The following ZNF136 variants were observed in gnomAD, a reference collection of about 807,000 sequenced individuals.
ZNF136 encodes the protein zinc finger protein 136 (clone pHZ-20).
In ZNF136, 8 loss-of-function variants were observed where a neutral mutation model predicts 11.4. The ratio of observed to expected loss-of-function variants is 0.70; its 90% CI spans 0.41 to 1.27. The LOEUF (loss-of-function observed/expected upper bound fraction) is 1.27, where lower values mean the gene tolerates loss of function less well. Among genes scored for constraint, ZNF136 ranks in the 50% most tolerant of loss-of-function variants. The pLI is 0.01. For synonymous variants in ZNF136, 190 were observed against 207.1 expected, an observed-to-expected ratio of 0.92 and a Z score of 0.71; for missense variants, 590 against 656.5, an observed-to-expected ratio of 0.90 and a Z score of 1.11.
intron 1 of ZNF136, among the ~76,000 whole-genome samples, chr19:12,170,227 C>CA (rs1914617890): frequency 6.6e-6 from 1 of 152,112 alleles, no homozygotes; most frequent in African/African-American, 2.4e-5. Flanking sequence ...CGCGCCCGGC[C>CA]TTTTGTGGTT....
At chr19:12,163,909 T>C (rs1364679078) in intron 1 of ZNF136, 1 of 152,216 alleles carries the variant, frequency 6.6e-6, no homozygotes, top group Non-Finnish European at 1.5e-5. Context: ...CTCATCAGAA[T>C]GTCTTTGAGT....
At chr19:12,165,293 A>G (rs1357450872) in intron 1 of ZNF136, among the ~76,000 whole-genome samples, 1 of 152,208 alleles carries the variant, frequency 6.6e-6, no homozygotes, top group Non-Finnish European at 1.5e-5. Context: ...ACTGATAGAT[A>G]AGATGACCTC....
chr19:12,163,392 C>A (rs895156562), intron 1 of ZNF136, among the ~76,000 whole-genome samples, 186 bp downstream of exon 1: 11 of 152,220 alleles, frequency 7.2e-5, no homozygotes, highest in Non-Finnish European at 1.5e-4. Context: ...GCCGGGACCC[C>A]GGGCGTCCTC....
At chr19:12,168,057 CTTTTT>C (rs386388563) in intron 1 of ZNF136, among the ~76,000 whole-genome samples, 2,107 of 70,820 alleles carry the variant, frequency 0.03, 8 homozygotes, top group Non-Finnish European at 0.039. Context: ...TTTTCTTTTT[CTTTTT>C]TTTTTTTTTT....
At chr19:12,176,958 CAG>C (rs1411588237) in intron 1 of ZNF136, among the ~76,000 whole-genome samples, 1 of 152,216 alleles carries the variant, frequency 6.6e-6, no homozygotes, top group Non-Finnish European at 1.5e-5. Context: ...GATGGGGAGA[CAG>C]AGGCTGTGTT....
intron 1 of ZNF136, among the ~76,000 whole-genome samples, chr19:12,178,274 T>A (rs1914849437): frequency 6.6e-6 from 1 of 152,222 alleles, no homozygotes; most frequent in Admixed American, 6.5e-5. Flanking sequence ...ATTGTTTCCT[T>A]TGCTGTGCTA....
At chr19:12,186,408 C>T (rs561572726) in intron 3 of ZNF136, among the ~76,000 whole-genome samples, 162 bp from the exon 4 acceptor site, 8 of 152,174 alleles carry the variant, frequency 5.3e-5, no homozygotes, top group Non-Finnish European at 1.0e-4. Flanking sequence ...GTGATAGTTG[C>T]GGTCAAGCCC....
At chr19:12,169,953 T>C (rs569005806) in intron 1 of ZNF136, among the ~76,000 whole-genome samples, 144 of 151,098 alleles carry the variant, frequency 9.5e-4, no homozygotes, top group Admixed American at 1.1e-3. Flanking sequence ...TGCCACCACG[T>C]CCGGCTAATT....
intron 3 of ZNF136, 68 bp from the exon 4 acceptor site, chr19:12,186,502 C>T (rs1018180330): frequency 7.7e-7 from 1 of 1,299,614 alleles, no homozygotes; most frequent in Non-Finnish European, 1.1e-6. Flanking sequence ...ATTGAAAATG[C>T]AAGTTTAATA....
At chr19:12,175,750 T>C (rs996765745) in intron 1 of ZNF136, among the ~76,000 whole-genome samples, 3 of 152,242 alleles carry the variant, frequency 2.0e-5, no homozygotes, top group African/African-American at 4.8e-5. Flanking sequence ...ATTTCTGTTA[T>C]GGTGTAATAC....
chr19:12,167,758 G>A lies in ZNF136; in HGVS notation c.3+4552G>A, dbSNP rs116634510. ...TCTACCTAAAACCTTTGTACAAAAG[G>A]CAAAAGCATCTAAGTCTGCCCCTCA... On this transcript the variant is annotated intron_variant, in intron 1 of 3. Transcript: ENST00000343979. 6.6e-3 allele frequency among the ~76,000 whole-genome samples: 999 copies of A among 152,210 alleles called. 15 individuals carry two copies. Among genetic ancestry groups the A allele is most frequent in the African/African-American group, 0.023 (945 of 41,524 alleles).
intron 1 of ZNF136, among the ~76,000 whole-genome samples, chr19:12,178,716 A>G (rs155954): frequency 0.042 from 6,343 of 151,836 alleles, 442 homozygotes; most frequent in African/African-American, 0.15. Flanking sequence ...TCAGGCGGGG[A>G]GGGGTGGCTC....
chr19:12,186,230 A>C, intron 3 of ZNF136, 56 bp downstream of exon 3: 3 of 1,533,396 alleles, frequency 2.0e-6, no homozygotes, highest in Non-Finnish European at 2.6e-6. Context: ...CATGTCATGA[A>C]ATTTTAAAAA....
At chr19:12,178,816 C>T (rs1394020336) in intron 1 of ZNF136, among the ~76,000 whole-genome samples, 2 of 151,956 alleles carry the variant, frequency 1.3e-5, no homozygotes, top group Admixed American at 6.6e-5. Flanking sequence ...CGGTGTAACC[C>T]TGTCTCTACT....
At position 12,170,997 on chromosome 19, in the gene ZNF136, G is replaced by A. The variant is rs750217794; in HGVS notation, c.3+7791G>A. 3.2e-4 allele frequency among the ~76,000 whole-genome samples: 49 copies of A among 152,168 alleles called. 1 individual carries two copies. Among genetic ancestry groups the A allele is most frequent in the Middle Eastern group, 3.4e-3 (1 of 294 alleles). On this transcript the variant is annotated intron_variant, in intron 1 of 3. Transcript: ENST00000343979. ...ATTATAGGCATGCACCACCACGCCC[G>A]GCTAATTTTGTTTTTTTAATAGAGA...
chr19:12,170,223 C>A (rs954942283), intron 1 of ZNF136, among the ~76,000 whole-genome samples: 1 of 152,038 alleles, frequency 6.6e-6, no homozygotes, highest in Non-Finnish European at 1.5e-5. Flanking sequence ...CCACCGCGCC[C>A]GGCCTTTTGT....
intron 1 of ZNF136, among the ~76,000 whole-genome samples, chr19:12,165,484 A>T (rs547252576): frequency 6.6e-6 from 1 of 152,210 alleles, no homozygotes; most frequent in African/African-American, 2.4e-5. Context: ...GGGGAAAGAG[A>T]TTAGTCTTAT....
intron 1 of ZNF136, among the ~76,000 whole-genome samples, chr19:12,174,948 C>T (rs1173429008): frequency 6.7e-6 from 1 of 149,586 alleles, no homozygotes; most frequent in African/African-American, 2.5e-5. Flanking sequence ...CCCTCTGCCT[C>T]CCGGTTCAAG....
At position 12,167,776 on chromosome 19, in the gene ZNF136, G is replaced by T. The variant is rs148013977; in HGVS notation, c.3+4570G>T. ...ACAAAAGGCAAAAGCATCTAAGTCT[G>T]CCCCTCAGAGACTTTCCCAATTTGT... On this transcript the variant is annotated intron_variant, in intron 1 of 3. Transcript: ENST00000343979. 1.8e-3 allele frequency among the ~76,000 whole-genome samples: 271 copies of T among 152,244 alleles called. 1 individual carries two copies. The highest frequency in any genetic ancestry group is 6.2e-3 in the African/African-American group (259 of 41,542).
Sources: allele counts gnomAD v4.1 joint callset (sites outside exome capture counted in the v4.1 genomes callset), GRCh38; gene constraint gnomAD v4.1.1; transcripts MANE v1.5; gene names NCBI Gene and HGNC (gene_info 2026-07-23, HGNC 2026-07-21).